The following PLS1 variants were observed in gnomAD, a reference collection of about 807,000 sequenced individuals.
PLS1 encodes the protein plastin 1.
PLS1 carries 32 observed loss-of-function variants against 73.7 expected under a neutral mutation model. The observed-to-expected ratio is 0.43, with a 90% confidence interval of 0.33 to 0.58. The LOEUF is 0.58. PLS1 is among the 20% of genes least tolerant of loss of function. The probability of loss-of-function intolerance (pLI) is 0.04; values close to 1 mark genes in which losing one functional copy is unlikely to be tolerated. For synonymous variants in PLS1, 217 were observed against 261.3 expected, an observed-to-expected ratio of 0.83 and a Z score of 1.63; for missense variants, 633 against 740.5, an observed-to-expected ratio of 0.85 and a Z score of 1.68.
In PLS1 at chr3:142,638,518, T is replaced by C. The variant is rs74404778; in HGVS notation, c.-36-25684T>C. Reference sequence around the variant, plus strand: ...CTGCTTTTGAGTGCTCTAAAAAGGATGCCTGGGAATGGTGTTTAGCATGTG... The same window carrying C: ...CTGCTTTTGAGTGCTCTAAAAAGGACGCCTGGGAATGGTGTTTAGCATGTG... On this transcript the variant is annotated intron_variant, in intron 1 of 15. Transcript: ENST00000457734. Among the ~76,000 whole-genome samples, 768 of 152,330 alleles carry C rather than the reference T, an allele frequency of 5.0e-3. 5 individuals are homozygous for C. Among genetic ancestry groups the C allele is most frequent in the South Asian group, 0.014 (69 of 4,830 alleles).
intron 3 of PLS1, 133 bp downstream of exon 3, chr3:142,669,686 GA>G: frequency 3.6e-6 from 2 of 554,936 alleles, no homozygotes. Context: ...TGATGATGAT[GA>G]TGACAATAAC....
chr3:142,666,349 G>A (rs1379888354), intron 2 of PLS1, among the ~76,000 whole-genome samples: 1 of 152,048 alleles, frequency 6.6e-6, no homozygotes, highest in African/African-American at 2.4e-5. Flanking sequence ...CTTTCTATAT[G>A]AGTGTGACTA....
At chr3:142,701,063 T>C (rs1399579109) in intron 12 of PLS1, among the ~76,000 whole-genome samples, 1 of 152,242 alleles carries the variant, frequency 6.6e-6, no homozygotes, top group Non-Finnish European at 1.5e-5. Flanking sequence ...GATATGTCTT[T>C]ATCAGCAGTG....
At chr3:142,607,891 T>A (rs2036052613) in intron 1 of PLS1, among the ~76,000 whole-genome samples, 1 of 152,146 alleles carries the variant, frequency 6.6e-6, no homozygotes, top group Non-Finnish European at 1.5e-5. Context: ...TTTTTTTTTT[T>A]ATCATTAGCC....
chr3:142,616,443 A>G (rs1156407970), intron 1 of PLS1, among the ~76,000 whole-genome samples: 1 of 152,176 alleles, frequency 6.6e-6, no homozygotes, highest in Non-Finnish European at 1.5e-5. Flanking sequence ...TTATTTTACT[A>G]TATTATTGAT....
chr3:142,713,023 A>G lies in PLS1; in HGVS notation c.*1016A>G, dbSNP rs548113493. 7 of 152,682 alleles carry G rather than the reference A, an allele frequency of 4.6e-5. No individual in the cohort carries two copies. Among genetic ancestry groups the G allele is most frequent in the African/African-American group, 1.4e-4 (6 of 41,578 alleles). The allele number at this position is 152,682 out of a possible 1,614,324, so 9.5% of individuals were successfully genotyped here. A position where few individuals can be genotyped will look rare whatever the true frequency, so the allele number is the denominator to read the frequency against. On this transcript the variant is annotated 3_prime_UTR_variant, in exon 16 of 16. Transcript: ENST00000457734. ...TAGTTTAGGTCTCTATAGAAGCCCT[A>G]TATAATTTAGAATATGCCCACTGAA...
Position 142,686,386 on chromosome 3 carries a change from A to G in PLS1, c.981+10A>G, listed in dbSNP as rs1321820945. 4.6e-6 allele frequency: 7 copies of G among 1,507,472 alleles called. No individual in the cohort carries two copies. Among genetic ancestry groups the G allele is most frequent in the South Asian group, 3.4e-5 (3 of 88,596 alleles). 93.4% of individuals were successfully genotyped at this position (1,507,472 alleles called of 1,614,324 possible). A position where few individuals can be genotyped will look rare whatever the true frequency, so the allele number is the denominator to read the frequency against. On this transcript the variant is annotated intron_variant, in intron 9 of 15. Coordinates refer to ENST00000457734, the MANE Select transcript of PLS1 (RefSeq NM_001145319.2). ...CCTTTCAGGAATTAATGTGAGTGCA[A>G]TTTTTAACTTTTAAAATATATTGTG...
intron 1 of PLS1, among the ~76,000 whole-genome samples, chr3:142,622,855 GGTTT>G (rs772685920): frequency 2.6e-4 from 39 of 152,140 alleles, no homozygotes; most frequent in Admixed American, 4.6e-4. Flanking sequence ...AAGATGTTAG[GGTTT>G]GTTTGTTTGT....
At chr3:142,616,386 ATATAGAAAATAATAGG>A (rs1364645724) in intron 1 of PLS1, among the ~76,000 whole-genome samples, 1 of 152,186 alleles carries the variant, frequency 6.6e-6, no homozygotes, top group Non-Finnish European at 1.5e-5. Flanking sequence ...ACACTAAATG[ATATAGAAAATAATAGG>A]TATTGTATTT....
intron 2 of PLS1, among the ~76,000 whole-genome samples, chr3:142,667,409 G>A (rs910244710): frequency 6.6e-6 from 1 of 151,912 alleles, no homozygotes; most frequent in Non-Finnish European, 1.5e-5. Flanking sequence ...GCGAGACTCC[G>A]ACTCAAAAAA....
chr3:142,686,326 A>G lies in PLS1; in HGVS notation c.931A>G (p.Lys311Glu). The change falls in exon 9 of 16, where the codon AAA (lysine) becomes GAA (glutamate). Residue 311 changes from lysine to glutamate, a missense_variant. By Grantham distance (56) the Lys-to-Glu change is moderately conservative. Transcript: ENST00000457734. ...TCATCTGCTTAATCAGATTGCCCCT[A>G]AAGGTGGGGAAGATGGACCTGCCAT... ...YFHLLNQIAP[K>E]GGEDGPAIAI... The G allele has an allele frequency of 6.2e-7, 1 of 1,611,450 alleles. No homozygotes were observed. The highest frequency in any genetic ancestry group is 8.5e-7 in the Non-Finnish European group (1 of 1,177,578).
intron 1 of PLS1, among the ~76,000 whole-genome samples, chr3:142,634,485 C>T (rs1319697926): frequency 6.6e-6 from 1 of 152,094 alleles, no homozygotes; most frequent in Non-Finnish European, 1.5e-5. Context: ...TGCTTGTATT[C>T]AATTGAAGTC....
In PLS1 at chr3:142,616,954, A is replaced by G. The variant is rs149006397; in HGVS notation, c.-37+20445A>G. Among the ~76,000 whole-genome samples the G allele has an allele frequency of 1.0e-3, 159 of 152,188 alleles. 1 individual carries two copies. The highest frequency in any genetic ancestry group is 3.6e-3 in the African/African-American group (149 of 41,528). ...ATTCATCTGGAGTTCAGATTATTCAAATTGCTTTGTAACCTTGAGTAGGTC... is the reference window on the plus strand; with the variant it reads ...ATTCATCTGGAGTTCAGATTATTCAGATTGCTTTGTAACCTTGAGTAGGTC... On this transcript the variant is annotated intron_variant, in intron 1 of 15. Transcript: ENST00000457734.
At chr3:142,633,119 A>C (rs2036601894) in intron 1 of PLS1, among the ~76,000 whole-genome samples, 1 of 152,240 alleles carries the variant, frequency 6.6e-6, no homozygotes, top group Admixed American at 6.5e-5. Context: ...TAAGCAAAAT[A>C]AACCAGTGAC....
intron 1 of PLS1, among the ~76,000 whole-genome samples, chr3:142,622,497 T>A (rs148240502): frequency 1.2e-3 from 188 of 152,320 alleles, no homozygotes; most frequent in African/African-American, 4.2e-3. Context: ...AATGGGATCA[T>A]ACAGTACTGT....
intron 1 of PLS1, among the ~76,000 whole-genome samples, chr3:142,655,722 CAAA>C (rs869165571): frequency 0.11 from 7,282 of 65,324 alleles, 668 homozygotes; most frequent in African/African-American, 0.26. Context: ...AATTCCGTCT[CAAA>C]AAAAAAAAAA....
chr3:142,696,978 G>A (rs2038224247), intron 11 of PLS1, among the ~76,000 whole-genome samples: 1 of 151,832 alleles, frequency 6.6e-6, no homozygotes, highest in Non-Finnish European at 1.5e-5. Flanking sequence ...ACTGCCATAT[G>A]GTTTGTGCTC....
In PLS1 at chr3:142,669,421, T is replaced by C. The variant is rs766675232; in HGVS notation, c.102T>C (p.Tyr34=). The change falls in exon 3 of 16, where the codon TAT becomes TAC. Residue 34 remains tyrosine (Y), a synonymous_variant. Transcript: ENST00000457734. ...ACAATAGTGGGTATGTCAGTGACTA[T>C]GAACTTCAAGACCTGTTTAAGGAAG... ...DIDNSGYVSD[Y]ELQDLFKEAS... The C allele has an allele frequency of 2.5e-6, 4 of 1,598,632 alleles. No homozygotes were observed. Among genetic ancestry groups the C allele is most frequent in the South Asian group, 1.1e-5 (1 of 90,452 alleles).
chr3:142,678,464 T>G (rs1420867975), intron 6 of PLS1, among the ~76,000 whole-genome samples: 1 of 131,172 alleles, frequency 7.6e-6, no homozygotes, highest in Non-Finnish European at 1.6e-5. Flanking sequence ...GATGTTCCCC[T>G]TCCTGTGTCC....
Sources: gnomAD v4.1 joint callset for allele counts (sites outside exome capture counted in the v4.1 genomes callset) on GRCh38, gnomAD v4.1.1 for gene constraint, MANE v1.5 for transcripts, NCBI Gene and HGNC (gene_info 2026-07-23, HGNC 2026-07-21) for gene names.